The following MAPK8 variants were observed in gnomAD, a reference collection of about 807,000 sequenced individuals.
The protein encoded by MAPK8 is JUN N-terminal kinase.
MAPK8 carries 13 observed loss-of-function variants against 52.9 expected under a neutral mutation model. The observed-to-expected ratio is 0.25, with a 90% CI of 0.16 to 0.39. The LOEUF is 0.39. Among genes scored for constraint, MAPK8 ranks in the 10% least tolerant of loss-of-function variants. The pLI is 1.00. For missense variants in MAPK8, 300 were observed against 519.2 expected (o/e 0.58, Z 4.10); for synonymous variants, 191 against 169.8 (o/e 1.12, Z -0.97).
In MAPK8 at chr10:48,329,152, C is replaced by T. The variant is rs118150291; in HGVS notation, c.-50+22331C>T. ...TAAGTAACTTGCGCAGGGTCATACA[C>T]GAGTGGCAGGGCCAGAGTCTGAATC... On this transcript the variant is annotated intron_variant, in intron 1 of 11. Transcript: ENST00000374189. Among the ~76,000 whole-genome samples the T allele has an allele frequency of 5.1e-3, 782 of 152,326 alleles. 2 individuals carry two copies. Among genetic ancestry groups the T allele is most frequent in the Non-Finnish European group, 7.3e-3 (499 of 68,036 alleles).
intron 1 of MAPK8, among the ~76,000 whole-genome samples, chr10:48,372,829 GTTC>G (rs1385365860): frequency 1.1e-4 from 17 of 152,094 alleles, no homozygotes; most frequent in Admixed American, 9.8e-4. Flanking sequence ...TCCAGGAGAA[GTTC>G]CCCAACCTAG....
At chr10:48,399,112 C>G (rs2042031669) in intron 1 of MAPK8, among the ~76,000 whole-genome samples, 1 of 152,144 alleles carries the variant, frequency 6.6e-6, no homozygotes, top group East Asian at 1.9e-4. Context: ...AGTATCTGTT[C>G]CTGAGCCCAG....
At chr10:48,398,717 C>G (rs2042012220) in intron 1 of MAPK8, among the ~76,000 whole-genome samples, 2 of 152,178 alleles carry the variant, frequency 1.3e-5, no homozygotes, top group South Asian at 4.1e-4. Flanking sequence ...AGGACTCCAG[C>G]ATGGATGAAT....
chr10:48,386,342 A>G (rs564072359), intron 1 of MAPK8, among the ~76,000 whole-genome samples: 2 of 152,348 alleles, frequency 1.3e-5, no homozygotes, highest in South Asian at 2.1e-4. Context: ...AAAACCTCAT[A>G]AAAATTTTAT....
intron 1 of MAPK8, among the ~76,000 whole-genome samples, chr10:48,375,188 AGCC>A (rs2040578540): frequency 6.6e-6 from 1 of 152,230 alleles, no homozygotes; most frequent in Non-Finnish European, 1.5e-5. Context: ...AAAATTCAGC[AGCC>A]CCTCATGCTA....
chr10:48,400,889 A>G (rs911834509), intron 1 of MAPK8, among the ~76,000 whole-genome samples: 2 of 152,234 alleles, frequency 1.3e-5, no homozygotes, highest in Non-Finnish European at 2.9e-5. Flanking sequence ...TAGTAAAGGA[A>G]TGGTAGTCAG....
At chr10:48,378,725 T>C (rs2040816208) in intron 1 of MAPK8, among the ~76,000 whole-genome samples, 1 of 151,696 alleles carries the variant, frequency 6.6e-6, no homozygotes, top group South Asian at 2.1e-4. Context: ...TTTATTTTTT[T>C]AAAATACATA....
chr10:48,370,572 G>A (rs922911452), intron 1 of MAPK8, among the ~76,000 whole-genome samples: 20 of 152,264 alleles, frequency 1.3e-4, no homozygotes, highest in Non-Finnish European at 2.5e-4. Flanking sequence ...GGTCTTATGT[G>A]CAAAGAATAA....
intron 5 of MAPK8, among the ~76,000 whole-genome samples, chr10:48,415,905 G>T (rs1175492606): frequency 6.6e-6 from 1 of 152,170 alleles, no homozygotes; most frequent in South Asian, 2.1e-4. Context: ...TACATCTGTA[G>T]AAAATTTCTT....
In MAPK8 at chr10:48,434,880, A is replaced by G. The variant is rs746400765; in HGVS notation, c.1139-4A>G. 23 of 1,605,520 alleles carry G rather than the reference A, an allele frequency of 1.4e-5. No homozygotes were observed. The highest frequency in any genetic ancestry group is 1.8e-5 in the Non-Finnish European group (21 of 1,175,510). On this transcript the variant is annotated splice_region_variant and splice_polypyrimidine_tract_variant and intron_variant, in intron 11 of 11. Transcript: ENST00000374189. ...GATTTGCTGTTTTGTTTCTCATAGC[A>G]CAGGTGCAGCAGTGATCAATGGCTC...
At chr10:48,342,133 G>A (rs770193622) in intron 1 of MAPK8, among the ~76,000 whole-genome samples, 3 of 152,102 alleles carry the variant, frequency 2.0e-5, no homozygotes, top group Non-Finnish European at 4.4e-5. Context: ...ATTGAGACGG[G>A]GTCTCTGTTG....
At position 48,436,824 on chromosome 10, in the gene MAPK8, G is replaced by A. The variant is rs951395880; in HGVS notation, c.*1795G>A. 1.3e-5 allele frequency: 2 copies of A among 152,138 alleles called. No individual in the cohort carries two copies. The highest frequency in any genetic ancestry group is 4.8e-5 in the African/African-American group (2 of 41,428). 9.4% of individuals were successfully genotyped at this position (152,138 alleles called of 1,614,324 possible). A position where few individuals can be genotyped will look rare whatever the true frequency, so the allele number is the denominator to read the frequency against. Reference sequence around the variant, plus strand: ...TCAGTCCCTTTTCTAATACAACAAGGTGCATTAATTTGATTAGGCAAATTA... The same window carrying A: ...TCAGTCCCTTTTCTAATACAACAAGATGCATTAATTTGATTAGGCAAATTA... On this transcript the variant is annotated 3_prime_UTR_variant, in exon 12 of 12. Coordinates refer to ENST00000374189, the MANE Select transcript of MAPK8 (RefSeq NM_001323329.2).
chr10:48,349,067 A>G lies in MAPK8; in HGVS notation c.-50+42246A>G, dbSNP rs543320649. Among the ~76,000 whole-genome samples, 224 of 152,306 alleles carry G rather than the reference A, an allele frequency of 1.5e-3. 1 individual carries two copies. The highest frequency in any genetic ancestry group is 5.2e-3 in the African/African-American group (218 of 41,568). Reference sequence around the variant, plus strand: ...TAATGGTAAAGGGATCAATGCAACAAGAAGAGCTAACTCTCCTAAATATAT... The same window carrying G: ...TAATGGTAAAGGGATCAATGCAACAGGAAGAGCTAACTCTCCTAAATATAT... On this transcript the variant is annotated intron_variant, in intron 1 of 11. Transcript: ENST00000374189.
chr10:48,391,802 G>A (rs2041639904), intron 1 of MAPK8, among the ~76,000 whole-genome samples: 1 of 152,164 alleles, frequency 6.6e-6, no homozygotes, highest in South Asian at 2.1e-4. Context: ...AGGTTCCCAT[G>A]CCCCTCTCTT....
At chr10:48,406,249 C>T (rs532654706) in intron 3 of MAPK8, among the ~76,000 whole-genome samples, 1 of 152,320 alleles carries the variant, frequency 6.6e-6, no homozygotes, top group East Asian at 1.9e-4. Context: ...GGTAGCCATT[C>T]TTGTTCCAAG....
intron 1 of MAPK8, among the ~76,000 whole-genome samples, chr10:48,347,231 A>G (rs1845876971): frequency 6.6e-6 from 1 of 152,166 alleles, no homozygotes; most frequent in Non-Finnish European, 1.5e-5. Flanking sequence ...AGCTTACTAT[A>G]ATGGAATATT....
intron 1 of MAPK8, among the ~76,000 whole-genome samples, chr10:48,376,532 T>C (rs1270524391): frequency 5.9e-5 from 9 of 152,014 alleles, no homozygotes; most frequent in Admixed American, 3.9e-4. Context: ...TAAACAAATT[T>C]ACAAGAAAAA....
At chr10:48,387,075 G>C (rs1348807779) in intron 1 of MAPK8, among the ~76,000 whole-genome samples, 2 of 152,102 alleles carry the variant, frequency 1.3e-5, no homozygotes, top group Non-Finnish European at 2.9e-5. Flanking sequence ...ACTCAAATAA[G>C]CCCAATTAAG....
chr10:48,424,536 C>T, intron 7 of MAPK8: 2 of 1,600,814 alleles, frequency 1.2e-6, no homozygotes, highest in Non-Finnish European at 1.7e-6. Flanking sequence ...CAGTTGGGTG[C>T]ATCATGGGAG....
Sources: allele counts gnomAD v4.1 joint callset (sites outside exome capture counted in the v4.1 genomes callset), GRCh38; gene constraint gnomAD v4.1.1; transcripts MANE v1.5; gene names NCBI Gene and HGNC (gene_info 2026-07-23, HGNC 2026-07-21).